Variants in TASOR2 observed in about 807,000 individuals in gnomAD.
TASOR2 encodes the protein protein TASOR 2.
TASOR2 carries 84 observed loss-of-function variants against 199.5 expected under a neutral mutation model. The observed-to-expected ratio is 0.42, with a 90% CI of 0.35 to 0.50. TASOR2 has a LOEUF of 0.50. Ranked by LOEUF, TASOR2 falls within the 20% of genes least tolerant of loss-of-function variation. The pLI, the probability that TASOR2 is intolerant of heterozygous loss-of-function variation, is 0.02. For synonymous variants in TASOR2, 1,103 were observed against 1,046.6 expected (o/e 1.05, Z -1.04); for missense variants, 2,796 against 2,835.9 (o/e 0.99, Z 0.32).
In TASOR2 at chr10:5,720,808, T is replaced by G; in HGVS notation, c.46+34T>G. The G allele has an allele frequency of 5.0e-6, 8 of 1,599,184 alleles. No individual in the cohort carries two copies. Among genetic ancestry groups the G allele is most frequent in the Non-Finnish European group, 6.0e-6 (7 of 1,175,868 alleles). On this transcript the variant is annotated intron_variant, in intron 5 of 20. Transcript: ENST00000328090. This position sits in a 1 kb window ranked among gnomAD's most constrained non-coding sequence, Gnocchi z 5.3. ...TAGTTCATTGATTCTTTTAGGTTTT[T>G]TTTTTCTTGAGTAAATGTTTCATCA...
In TASOR2 at chr10:5,740,760, G is replaced by A. The variant is rs886143144; in HGVS notation, c.2327+263G>A. ...GCTTTCCATTTTGCAATGCTCCCTC[G>A]TAAGCCCTTGTGGCTTTTGAATTTC... On this transcript the variant is annotated intron_variant, in intron 13 of 20. Transcript: ENST00000328090. This position sits in a 1 kb window ranked among gnomAD's most constrained non-coding sequence, Gnocchi z 5.3. Among the ~76,000 whole-genome samples, 2 of 152,172 alleles carry A rather than the reference G, an allele frequency of 1.3e-5. No individual in the cohort carries two copies. The highest frequency in any genetic ancestry group is 4.8e-5 in the African/African-American group (2 of 41,438).
intron 11 of TASOR2, among the ~76,000 whole-genome samples, chr10:5,734,987 C>T (rs958375256): frequency 1.3e-5 from 2 of 152,042 alleles, no homozygotes; most frequent in African/African-American, 4.8e-5. Context: ...AGCCACCACT[C>T]CCAGCCCAAA....
Position 5,689,109 on chromosome 10 carries a change from A to G in TASOR2, c.-288+3934A>G, listed in dbSNP as rs528676027. Among the ~76,000 whole-genome samples the G allele has an allele frequency of 1.3e-5, 2 of 152,304 alleles. No homozygotes were observed. Among genetic ancestry groups the G allele is most frequent in the East Asian group, 1.9e-4 (1 of 5,190 alleles). On this transcript the variant is annotated intron_variant, in intron 1 of 20. Coordinates refer to ENST00000328090, the Ensembl canonical transcript of TASOR2. The surrounding 1 kb of genome is among the most constrained non-coding windows in gnomAD (Gnocchi z 4.1). ...GTCTTTATTTTGCAGCCATTCTTGAATGATGTTTTTGCTGAATACAAAAGT... is the reference window on the plus strand; with the variant it reads ...GTCTTTATTTTGCAGCCATTCTTGAGTGATGTTTTTGCTGAATACAAAAGT...
intron 2 of TASOR2, among the ~76,000 whole-genome samples, chr10:5,715,475 A>G (rs542118952): frequency 6.6e-6 from 1 of 152,288 alleles, no homozygotes; most frequent in South Asian, 2.1e-4. Flanking sequence ...ATATAAGTGG[A>G]ATCATATCAT....
chr10:5,749,838 T>C (rs755303176), exon 15 of TASOR2: 80 of 1,614,110 alleles, frequency 5.0e-5, no homozygotes, highest in Non-Finnish European at 6.4e-5. Context: ...ATGATGTTTC[T>C]GGAGAAGCCA....
intron 3 of TASOR2, among the ~76,000 whole-genome samples, chr10:5,718,039 T>G (rs79588823): frequency 6.6e-6 from 1 of 152,208 alleles, no homozygotes; most frequent in Non-Finnish European, 1.5e-5. Context: ...AACAAGTAGC[T>G]GCTTATAAGG....
intron 2 of TASOR2, 91 bp from the exon 3 acceptor site, chr10:5,714,044 A>AT (rs1832273642): frequency 1.7e-6 from 1 of 587,606 alleles, no homozygotes; most frequent in Non-Finnish European, 2.3e-6. Context: ...CTATTGTATA[A>AT]TAAAAAATAA....
At position 5,730,553 on chromosome 10, in the gene TASOR2, A is replaced by G. The variant is rs775715704; in HGVS notation, c.554A>G (p.Asn185Ser). The change falls in exon 11 of 21, where the codon AAT becomes AGT. Residue 185 changes from asparagine (N) to serine (S), a missense_variant. Coordinates refer to ENST00000328090, the Ensembl canonical transcript of TASOR2. The surrounding 1 kb of genome is among the most constrained non-coding windows in gnomAD (Gnocchi z 4.1). ...GTGATACCTATTTTATCTACCCTTAATTGTGCCCTGCTAGAAACAAAGAAA... is the reference window on the plus strand; with the variant it reads ...GTGATACCTATTTTATCTACCCTTAGTTGTGCCCTGCTAGAAACAAAGAAA... 1.1e-5 allele frequency: 17 copies of G among 1,613,966 alleles called. No homozygotes were observed. The East Asian group carries it at 3.8e-4, about 36-fold the overall frequency.
intron 1 of TASOR2, among the ~76,000 whole-genome samples, chr10:5,704,744 A>C (rs1028735433): frequency 6.6e-6 from 1 of 152,208 alleles, no homozygotes; most frequent in Non-Finnish European, 1.5e-5. Flanking sequence ...TGAAATGAAC[A>C]GTTTCTTATA....
rs1378274288 is a variant in TASOR2, at chr10:5,740,593, A to C, written c.2327+96A>C. The C allele has an allele frequency of 2.3e-6, 3 of 1,297,880 alleles. No individual in the cohort carries two copies. Among genetic ancestry groups the C allele is most frequent in the African/African-American group, 3.0e-5 (2 of 67,602 alleles). 80.4% of individuals were successfully genotyped at this position (1,297,880 alleles called of 1,614,324 possible). On this transcript the variant is annotated intron_variant, in intron 13 of 20. Transcript: ENST00000328090. The surrounding 1 kb of genome is among the most constrained non-coding windows in gnomAD (Gnocchi z 5.3). ...AACTTATGCCAAACTCTGGAGAAGG[A>C]GAAAGAAGTGTTGTGTTTAAAACCA...
At chr10:5,709,613 A>G (rs1831655866) in intron 1 of TASOR2, 1 of 1,231,182 alleles carries the variant, frequency 8.1e-7, no homozygotes, top group Non-Finnish European at 1.0e-6. Context: ...CCACCCTCCC[A>G]GCTACATTCT....
exon 11 of TASOR2, chr10:5,731,046 T>TAAG: frequency 6.2e-7 from 1 of 1,614,118 alleles, no homozygotes; most frequent in Non-Finnish European, 8.5e-7. Context: ...GAGTGCAGCC[T>TAAG]AAGAGGAAGG....
intron 2 of TASOR2, chr10:5,713,745 T>C (rs1832226297): frequency 6.5e-6 from 1 of 153,640 alleles, no homozygotes; most frequent in East Asian, 1.9e-4. Context: ...CTAGTGGACT[T>C]ACCTGTGACC....
At chr10:5,726,326 G>T (rs892768327) in intron 8 of TASOR2, among the ~76,000 whole-genome samples, 14 of 152,146 alleles carry the variant, frequency 9.2e-5, no homozygotes, top group Non-Finnish European at 8.8e-5. Context: ...TAATAGAGGG[G>T]AACAAAAGAG....
At chr10:5,714,303 C>T in intron 2 of TASOR2, 96 bp downstream of exon 3, 1 of 682,746 alleles carries the variant, frequency 1.5e-6, no homozygotes, top group Admixed American at 4.4e-5. Context: ...ATATTAAAAG[C>T]CAGTTTCATT....
At chr10:5,762,508 G>GTTTT (rs148906161) in intron 19 of TASOR2, 24 bp from the exon 21 acceptor site, 104,459 of 473,074 alleles carry the variant, frequency 0.22, 17,500 homozygotes, top group African/African-American at 0.32. Flanking sequence ...TTAACCAAAA[G>GTTTT]TTGTTTTTTT....
intron 1 of TASOR2, among the ~76,000 whole-genome samples, chr10:5,691,650 C>T (rs1044522866): frequency 6.6e-6 from 1 of 152,146 alleles, no homozygotes; most frequent in African/African-American, 2.4e-5. Context: ...TGAATAAGAT[C>T]TACTAATTAG....
rs1837805483 is a variant in TASOR2 at position 5,750,044 on chromosome 10, G to A, written c.6606+17G>A. 9.0e-6 allele frequency: 14 copies of A among 1,554,696 alleles called. No individual in the cohort carries two copies. The East Asian group carries it at 9.0e-5, about 10-fold the overall frequency. Reference sequence around the variant, plus strand: ...AGAACAAAGGTAAAGTGCCAGCCACGTCTTACGTATTATTTTAATTGCTGA... The same window carrying A: ...AGAACAAAGGTAAAGTGCCAGCCACATCTTACGTATTATTTTAATTGCTGA... On this transcript the variant is annotated intron_variant, in intron 15 of 20. Transcript: ENST00000328090. This position sits in a 1 kb window ranked among gnomAD's most constrained non-coding sequence, Gnocchi z 5.4.
chr10:5,748,767 T>C lies in TASOR2; in HGVS notation c.5346T>C (p.Thr1782=). The C allele has an allele frequency of 1.2e-6, 2 of 1,614,188 alleles. No individual in the cohort carries two copies. The highest frequency in any genetic ancestry group is 1.7e-6 in the Non-Finnish European group (2 of 1,180,040). ...CCTTTGTTTCAGAATCCTTTGATAC[T>C]TCTGTTTGTGGAATAGCCACAGAGC... The change falls in exon 15 of 21, where the codon ACT becomes ACC. Residue 1782 remains threonine (T), a synonymous_variant. Coordinates refer to ENST00000328090, the Ensembl canonical transcript of TASOR2. This position sits in a 1 kb window ranked among gnomAD's most constrained non-coding sequence, Gnocchi z 5.1.
Sources: allele counts gnomAD v4.1 joint callset (sites outside exome capture counted in the v4.1 genomes callset), GRCh38; gene constraint gnomAD v4.1.1; non-coding constraint Gnocchi (gnomAD v3.1); transcripts MANE v1.5; gene names NCBI Gene and HGNC (gene_info 2026-07-23, HGNC 2026-07-21).